POLA2: variants seen among roughly 807,000 people sequenced by gnomAD.
POLA2 encodes DNA polymerase alpha subunit B.
In POLA2, 47 loss-of-function variants were observed where a neutral mutation model predicts 82.8. That is an observed-to-expected ratio of 0.57 (90% CI 0.45 to 0.72). The LOEUF is 0.72. Among genes scored for constraint, POLA2 ranks in the 30% least tolerant of loss-of-function variants. POLA2 has a pLI of 0.00. For missense variants in POLA2, 634 were observed against 728.1 expected, an observed-to-expected ratio of 0.87 and a Z score of 1.49; for synonymous variants, 287 against 286.8, an observed-to-expected ratio of 1.00 and a Z score of -0.01.
At chr11:65,293,946 G>A (rs1345629635) in intron 13 of POLA2, among the ~76,000 whole-genome samples, 1 of 152,168 alleles carries the variant, frequency 6.6e-6, no homozygotes, top group Non-Finnish European at 1.5e-5. Flanking sequence ...CTGTCCAGAT[G>A]GATGGGTGTG....
At chr11:65,268,127 G>A (rs918767258) in intron 3 of POLA2, among the ~76,000 whole-genome samples, 4 of 151,714 alleles carry the variant, frequency 2.6e-5, no homozygotes, top group Admixed American at 6.6e-5. Context: ...TAATAAGCTG[G>A]GTGTGGTGAT....
chr11:65,294,287 C>A, intron 14 of POLA2, 26 bp downstream of exon 14: 2 of 1,565,594 alleles, frequency 1.3e-6, no homozygotes, highest in Non-Finnish European at 1.8e-6. Context: ...CCTTGACCAG[C>A]AGGCAGCCAG....
intron 4 of POLA2, among the ~76,000 whole-genome samples, chr11:65,270,423 G>A (rs1949509994): frequency 6.6e-6 from 1 of 152,190 alleles, no homozygotes; most frequent in African/African-American, 2.4e-5. Context: ...TGTGCCCCAT[G>A]AAGTTGCTAA....
downstream of POLA2, among the ~76,000 whole-genome samples, chr11:65,300,461 A>G (rs1156239133): frequency 2.0e-5 from 3 of 149,706 alleles, no homozygotes; most frequent in African/African-American, 7.7e-5. Context: ...CTGAGATTAC[A>G]GGTGTGTCTA....
chr11:65,289,375 G>T (rs1056909555), intron 12 of POLA2, among the ~76,000 whole-genome samples: 3 of 152,208 alleles, frequency 2.0e-5, no homozygotes, highest in Non-Finnish European at 4.4e-5. Flanking sequence ...CACAAATGCA[G>T]GTGTCTGGCA....
chr11:65,295,628 T>G, intron 16 of POLA2, 29 bp downstream of exon 16: 1 of 1,583,356 alleles, frequency 6.3e-7, no homozygotes, highest in Non-Finnish European at 8.7e-7. Context: ...CCCCTGACTG[T>G]GGAGAGAGTG....
At chr11:65,268,784 T>C in intron 4 of POLA2, 55 bp downstream of exon 4, 1 of 1,184,366 alleles carries the variant, frequency 8.4e-7, no homozygotes, top group Non-Finnish European at 1.2e-6. Context: ...TAAAATAGTT[T>C]CACAACATTT....
intron 8 of POLA2, 96 bp downstream of exon 8, chr11:65,281,243 C>G (rs1949638208): frequency 7.7e-7 from 1 of 1,305,792 alleles, no homozygotes; most frequent in African/African-American, 1.5e-5. Flanking sequence ...GTTCCTGTCT[C>G]TGCTGCCATG....
intron 5 of POLA2, 37 bp downstream of exon 5, chr11:65,276,035 G>T (rs755863373): frequency 1.9e-5 from 23 of 1,221,554 alleles, no homozygotes; most frequent in Non-Finnish European, 2.6e-5. Flanking sequence ...CATAAAGCTG[G>T]CCTCCCCTCC....
chr11:65,278,544 C>T (rs981566538), intron 5 of POLA2, among the ~76,000 whole-genome samples, 186 bp from the exon 6 acceptor site: 8 of 152,210 alleles, frequency 5.3e-5, no homozygotes, highest in African/African-American at 9.7e-5. Context: ...TGGTATTCCT[C>T]AGCCCTTCAT....
downstream of POLA2, among the ~76,000 whole-genome samples, chr11:65,300,976 C>T (rs1236052448): frequency 6.6e-6 from 1 of 152,262 alleles, no homozygotes; most frequent in Non-Finnish European, 1.5e-5. Flanking sequence ...TAAGATCCCA[C>T]TGTATGGCTA....
chr11:65,295,691 T>C, intron 16 of POLA2, 92 bp downstream of exon 16: 1 of 1,340,078 alleles, frequency 7.5e-7, no homozygotes, highest in South Asian at 1.2e-5. Flanking sequence ...TTCACCAGGC[T>C]ACCAGCAGGG....
At chr11:65,263,315 G>A (rs1264191930) in intron 1 of POLA2, among the ~76,000 whole-genome samples, 1 of 149,490 alleles carries the variant, frequency 6.7e-6, no homozygotes, top group Non-Finnish European at 1.5e-5. Flanking sequence ...CGCCTCCCAG[G>A]TTCAAGCGAT....
intron 5 of POLA2, among the ~76,000 whole-genome samples, chr11:65,277,183 T>C (rs556596932): frequency 1.9e-3 from 293 of 150,984 alleles, no homozygotes; most frequent in African/African-American, 6.8e-3. Flanking sequence ...TTCTTTCTTT[T>C]TTTTTTTTTT....
intron 11 of POLA2, among the ~76,000 whole-genome samples, chr11:65,288,366 TCTTA>T (rs1949719216): frequency 1.3e-5 from 2 of 152,174 alleles, no homozygotes. Context: ...TTTACAGTAT[TCTTA>T]CTTCTTTCTC....
At chr11:65,262,795 T>C (rs1376759780) in intron 1 of POLA2, among the ~76,000 whole-genome samples, 1 of 152,200 alleles carries the variant, frequency 6.6e-6, no homozygotes, top group East Asian at 1.9e-4. Context: ...CCTCTGCTGA[T>C]CCATCAGTTA....
At chr11:65,296,117 G>A (rs1590912133) in intron 17 of POLA2, 127 bp downstream of exon 17, 1 of 1,011,124 alleles carries the variant, frequency 9.9e-7, no homozygotes, top group Non-Finnish European at 1.5e-6. Flanking sequence ...ACCCTGCCCT[G>A]TGGCCTTGTT....
downstream of POLA2, among the ~76,000 whole-genome samples, chr11:65,303,169 C>T (rs553191699): frequency 4.6e-5 from 7 of 152,024 alleles, no homozygotes; most frequent in East Asian, 3.9e-4. Context: ...GGTGAAACCC[C>T]GTCTCTACTA....
At chr11:65,277,983 T>A (rs1455283474) in intron 5 of POLA2, among the ~76,000 whole-genome samples, 1 of 152,210 alleles carries the variant, frequency 6.6e-6, no homozygotes, top group Non-Finnish European at 1.5e-5. Flanking sequence ...ATAAAACTGG[T>A]TCCCGCAGAG....
Sources: allele counts gnomAD v4.1 joint callset (sites outside exome capture counted in the v4.1 genomes callset), GRCh38; gene constraint gnomAD v4.1.1; transcripts MANE v1.5; gene names NCBI Gene and HGNC (gene_info 2026-07-23, HGNC 2026-07-21).